The following MPPED2 variants were observed in gnomAD, a reference collection of about 807,000 sequenced individuals.
MPPED2 encodes metallophosphoesterase domain containing 2.
A neutral mutation model predicts 33.0 loss-of-function variants in MPPED2; 5 were observed. The observed-to-expected ratio is 0.15, with a 90% CI of 0.08 to 0.32. The LOEUF is 0.32. MPPED2 is among the 10% of genes least tolerant of loss of function. The probability of loss-of-function intolerance (pLI) is 1.00; values close to 1 mark genes in which losing one functional copy is unlikely to be tolerated. For synonymous variants in MPPED2, 136 were observed against 141.9 expected, an observed-to-expected ratio of 0.96 and a Z score of 0.29; for missense variants, 275 against 372.1, an observed-to-expected ratio of 0.74 and a Z score of 2.15.
chr11:30,459,403 A>G (rs552830127), intron 4 of MPPED2, among the ~76,000 whole-genome samples: 1 of 152,262 alleles, frequency 6.6e-6, no homozygotes, highest in South Asian at 2.1e-4. Flanking sequence ...CATCACTATG[A>G]CAACTCTAAT....
chr11:30,496,470 T>C, intron 3 of MPPED2, among the ~76,000 whole-genome samples: 1 of 152,218 alleles, frequency 6.6e-6, no homozygotes, highest in East Asian at 1.9e-4. Context: ...GTTCATCTGC[T>C]GCTTTTTATT....
At chr11:30,386,606 C>T (rs1306741090) in exon 7 of MPPED2, 1 of 397,382 alleles carries the variant, frequency 2.5e-6, no homozygotes, top group East Asian at 3.6e-5. Context: ...GACTGTTTTC[C>T]CAGCACCTAG....
chr11:30,548,649 T>C (rs1204435463), intron 2 of MPPED2, among the ~76,000 whole-genome samples: 1 of 152,168 alleles, frequency 6.6e-6, no homozygotes, highest in Non-Finnish European at 1.5e-5. Flanking sequence ...TGGGTAGATC[T>C]TCACAAAAGA....
intron 2 of MPPED2, among the ~76,000 whole-genome samples, chr11:30,560,920 TGTTAAC>T (rs1218216194): frequency 1.3e-5 from 2 of 152,176 alleles, no homozygotes; most frequent in Admixed American, 6.6e-5. Context: ...AGAAAAATGA[TGTTAAC>T]GTGAACCCTG....
intron 4 of MPPED2, among the ~76,000 whole-genome samples, chr11:30,468,345 G>T (rs1429423783): frequency 6.6e-6 from 1 of 151,920 alleles, no homozygotes; most frequent in Non-Finnish European, 1.5e-5. Flanking sequence ...CACCACCTAA[G>T]ATTGTGTCAC....
At chr11:30,423,819 G>C (rs512647) in intron 4 of MPPED2, among the ~76,000 whole-genome samples, 72,099 of 151,874 alleles carry the variant, frequency 0.47, 17,659 homozygotes, top group African/African-American at 0.62. Context: ...TACATACACA[G>C]AGAGAATTGC....
chr11:30,558,006 A>G (rs1956063124), intron 2 of MPPED2, among the ~76,000 whole-genome samples: 1 of 152,166 alleles, frequency 6.6e-6, no homozygotes, highest in Admixed American at 6.5e-5. Context: ...GGAAAATATG[A>G]AGAACTCTTT....
chr11:30,558,221 C>A (rs1196550404), intron 2 of MPPED2, among the ~76,000 whole-genome samples: 1 of 152,064 alleles, frequency 6.6e-6, no homozygotes, highest in Non-Finnish European at 1.5e-5. Flanking sequence ...AAAGAAAAGT[C>A]TGGCTGAGTG....
At chr11:30,405,731 A>G (rs533030749), downstream of MPPED2, among the ~76,000 whole-genome samples, 2 of 152,304 alleles carry the variant, frequency 1.3e-5, no homozygotes, top group South Asian at 4.1e-4. Flanking sequence ...AGAAAATAAT[A>G]TACATTTTTA....
Position 30,410,493 on chromosome 11 carries a change from T to A in MPPED2, c.*975A>T, listed in dbSNP as rs1214471881. On this transcript the variant is annotated 3_prime_UTR_variant, in exon 7 of 7. Transcript: ENST00000358117. Reference sequence around the variant, plus strand: ...GGGGTATTTAAATAGAAAGGACAACTAAGCCTTATTTTAGTTAGCTTCCAT... The same window carrying A: ...GGGGTATTTAAATAGAAAGGACAACAAAGCCTTATTTTAGTTAGCTTCCAT... 4 of 985,654 alleles carry A rather than the reference T, an allele frequency of 4.1e-6. No individual in the cohort carries two copies. The highest frequency in any genetic ancestry group is 4.8e-6 in the Non-Finnish European group (4 of 829,926). 61.1% of individuals were successfully genotyped at this position (985,654 alleles called of 1,614,324 possible).
At chr11:30,480,505 AT>A (rs1161342380) in intron 4 of MPPED2, among the ~76,000 whole-genome samples, 1 of 152,128 alleles carries the variant, frequency 6.6e-6, no homozygotes, top group Non-Finnish European at 1.5e-5. Context: ...ACAAGACATA[AT>A]ACACTCTTGT....
chr11:30,575,760 A>G (rs1269169477), intron 2 of MPPED2, among the ~76,000 whole-genome samples: 1 of 152,210 alleles, frequency 6.6e-6, no homozygotes, highest in African/African-American at 2.4e-5. Context: ...TCAGCTCACA[A>G]GATTCCATCC....
chr11:30,413,079 G>C (rs897869644), intron 6 of MPPED2, among the ~76,000 whole-genome samples: 31 of 152,158 alleles, frequency 2.0e-4, no homozygotes, highest in African/African-American at 7.2e-4. Context: ...CACTCTCTGG[G>C]AGCTGCACCC....
At chr11:30,456,650 T>C (rs1950292082) in intron 4 of MPPED2, among the ~76,000 whole-genome samples, 2 of 152,218 alleles carry the variant, frequency 1.3e-5, no homozygotes, top group African/African-American at 4.8e-5. Flanking sequence ...ACAATCCTGA[T>C]ATTCTGTAAC....
intron 3 of MPPED2, chr11:30,501,725 T>C (rs1023754765): frequency 2.3e-6 from 1 of 435,624 alleles, no homozygotes; most frequent in East Asian, 1.6e-4. Context: ...CAGCAAGGAA[T>C]AGATGAAAAG....
chr11:30,571,886 T>C (rs922285452), intron 2 of MPPED2, among the ~76,000 whole-genome samples: 2 of 152,178 alleles, frequency 1.3e-5, no homozygotes, highest in East Asian at 3.8e-4. Flanking sequence ...CCTATTTCAT[T>C]ACAGCCTGTT....
At chr11:30,558,402 C>T (rs1178531627) in intron 2 of MPPED2, among the ~76,000 whole-genome samples, 1 of 148,820 alleles carries the variant, frequency 6.7e-6, no homozygotes, top group Non-Finnish European at 1.5e-5. Flanking sequence ...CTTTCTTTTG[C>T]TTCCTTCTTT....
intron 2 of MPPED2, among the ~76,000 whole-genome samples, chr11:30,555,264 C>T (rs1955911656): frequency 6.6e-6 from 1 of 152,112 alleles, no homozygotes. Context: ...TCAAGATACC[C>T]CAAATCACAG....
intron 4 of MPPED2, among the ~76,000 whole-genome samples, chr11:30,478,764 T>C (rs7927408): frequency 0.32 from 49,272 of 151,950 alleles, 8,157 homozygotes; most frequent in Middle Eastern, 0.44. Context: ...TTATGAACCA[T>C]TCAAATTTAG....
Sources: allele counts gnomAD v4.1 joint callset (sites outside exome capture counted in the v4.1 genomes callset), GRCh38; gene constraint gnomAD v4.1.1; transcripts MANE v1.5; gene names NCBI Gene and HGNC (gene_info 2026-07-23, HGNC 2026-07-21).